CDYL2: variants seen among roughly 807,000 people sequenced by gnomAD.
CDYL2 encodes chromodomain Y-like protein 2.
Under a neutral mutation model 49.4 loss-of-function variants are expected in CDYL2, and 23 were observed. That is an observed-to-expected ratio of 0.47 (90% CI 0.34 to 0.66). The LOEUF (loss-of-function observed/expected upper bound fraction) is 0.66. CDYL2 is among the 30% of genes least tolerant of loss of function. The pLI is 0.01. For missense variants in CDYL2, 678 were observed against 656.4 expected, an observed-to-expected ratio of 1.03 and a Z score of -0.36; for synonymous variants, 360 against 268.8, an observed-to-expected ratio of 1.34 and a Z score of -3.32.
intron 1 of CDYL2, among the ~76,000 whole-genome samples, chr16:80,711,113 C>T (rs139812383): frequency 4.5e-4 from 69 of 152,302 alleles, no homozygotes; most frequent in Middle Eastern, 6.8e-3. Flanking sequence ...GGTTGTGCTA[C>T]GCGACTGGCA....
chr16:80,731,147 T>A (rs915006906), intron 1 of CDYL2, among the ~76,000 whole-genome samples: 2 of 152,108 alleles, frequency 1.3e-5, no homozygotes, highest in African/African-American at 4.8e-5. Flanking sequence ...TAAGTATCCT[T>A]CCAGAGACAA....
At chr16:80,610,748 C>T (rs561199222) in intron 5 of CDYL2, among the ~76,000 whole-genome samples, 13 of 152,264 alleles carry the variant, frequency 8.5e-5, no homozygotes, top group South Asian at 6.2e-4. Context: ...TTTGCAGGGC[C>T]GGGAGCCAGC....
rs140258490 is a variant in CDYL2 at position 80,600,580 on chromosome 16, A to T, written c.*3808T>A. The T allele has an allele frequency of 6.6e-6, 1 of 152,360 alleles. No homozygotes were observed. Among genetic ancestry groups the T allele is most frequent in the African/African-American group, 2.4e-5 (1 of 41,596 alleles). The allele number at this position is 152,360 out of a possible 1,614,324, so 9.4% of individuals were successfully genotyped here. A position where few individuals can be genotyped will look rare whatever the true frequency, so the allele number is the denominator to read the frequency against. On this transcript the variant is annotated 3_prime_UTR_variant, in exon 7 of 7. Transcript: ENST00000570137. Reference sequence around the variant, plus strand: ...TAAGAAATCTCATTTAGAGTCTTAAATACTGTGTATATTAGTGAGAGTGTC... The same window carrying T: ...TAAGAAATCTCATTTAGAGTCTTAATTACTGTGTATATTAGTGAGAGTGTC...
chr16:80,759,101 ACTAT>A (rs1195503704), intron 1 of CDYL2, among the ~76,000 whole-genome samples: 1 of 29,312 alleles, frequency 3.4e-5, no homozygotes, highest in Non-Finnish European at 5.2e-5. Context: ...CAAACCATAT[ACTAT>A]ATATATATAT....
At chr16:80,766,144 G>T (rs1906716807) in intron 1 of CDYL2, among the ~76,000 whole-genome samples, 1 of 151,892 alleles carries the variant, frequency 6.6e-6, no homozygotes. Flanking sequence ...AGGAGAAGGG[G>T]AATGATGACC....
chr16:80,688,980 C>A (rs1388446693), intron 1 of CDYL2, among the ~76,000 whole-genome samples: 1 of 152,168 alleles, frequency 6.6e-6, no homozygotes, highest in Admixed American at 6.5e-5. Flanking sequence ...GCTCTGCCCC[C>A]GCTCTACCTG....
intron 1 of CDYL2, among the ~76,000 whole-genome samples, chr16:80,728,742 G>A (rs897232571): frequency 2.0e-5 from 3 of 152,172 alleles, no homozygotes; most frequent in Non-Finnish European, 4.4e-5. Flanking sequence ...GACTAACAGC[G>A]AGCGGATCTC....
intron 2 of CDYL2, among the ~76,000 whole-genome samples, chr16:80,683,988 C>A (rs958858104): frequency 6.6e-6 from 1 of 152,222 alleles, no homozygotes; most frequent in Non-Finnish European, 1.5e-5. Flanking sequence ...GGTCAATCAT[C>A]CAACCTAGAG....
intron 1 of CDYL2, among the ~76,000 whole-genome samples, chr16:80,703,503 A>C (rs913048511): frequency 6.6e-6 from 1 of 152,120 alleles, no homozygotes; most frequent in African/African-American, 2.4e-5. Flanking sequence ...AATGTGCACT[A>C]GACCAAAGCT....
At chr16:80,645,342 C>T (rs1908290480) in intron 2 of CDYL2, among the ~76,000 whole-genome samples, 1 of 151,736 alleles carries the variant, frequency 6.6e-6, no homozygotes, top group Non-Finnish European at 1.5e-5. Context: ...ACACACACTT[C>T]TCAAAAGAAG....
At chr16:80,634,347 C>G (rs761973202) in intron 2 of CDYL2, among the ~76,000 whole-genome samples, 16 of 152,094 alleles carry the variant, frequency 1.1e-4, no homozygotes, top group Admixed American at 8.5e-4. Context: ...TCCTTTGCAG[C>G]GACATAGATG....
intron 2 of CDYL2, among the ~76,000 whole-genome samples, chr16:80,634,028 T>C (rs754190002): frequency 2.7e-5 from 4 of 150,412 alleles, no homozygotes; most frequent in Non-Finnish European, 4.4e-5. Flanking sequence ...GAAGCAGATA[T>C]AGGAAGAGGC....
At chr16:80,711,575 T>C (rs1904597245) in intron 1 of CDYL2, among the ~76,000 whole-genome samples, 1 of 152,182 alleles carries the variant, frequency 6.6e-6, no homozygotes, top group African/African-American at 2.4e-5. Context: ...TCCTGACAGC[T>C]CTGATTTTTA....
intron 2 of CDYL2, among the ~76,000 whole-genome samples, chr16:80,650,220 C>A (rs1295410863): frequency 6.6e-6 from 1 of 152,160 alleles, no homozygotes; most frequent in African/African-American, 2.4e-5. Context: ...AACTATCCAT[C>A]TGACAAGGGA....
chr16:80,627,036 G>A (rs1226141865), intron 3 of CDYL2, among the ~76,000 whole-genome samples: 3 of 152,148 alleles, frequency 2.0e-5, no homozygotes, highest in East Asian at 3.8e-4. Context: ...ACTGTTGGAT[G>A]ATTTTTTTTA....
chr16:80,638,093 G>A (rs1433403847), intron 2 of CDYL2, among the ~76,000 whole-genome samples: 4 of 149,236 alleles, frequency 2.7e-5, no homozygotes, highest in Non-Finnish European at 5.9e-5. Context: ...TTTTTTTCTT[G>A]AGACAAGGTC....
intron 3 of CDYL2, among the ~76,000 whole-genome samples, chr16:80,622,136 C>T (rs2142377472): frequency 6.6e-6 from 1 of 152,304 alleles, no homozygotes; most frequent in East Asian, 1.9e-4. Context: ...ACTGCAAATT[C>T]CCACTATCTG....
chr16:80,626,410 G>C (rs1056618837), intron 3 of CDYL2, among the ~76,000 whole-genome samples: 1 of 152,098 alleles, frequency 6.6e-6, no homozygotes, highest in African/African-American at 2.4e-5. Flanking sequence ...TGTAGTAGCA[G>C]GCAATAATAT....
At chr16:80,709,450 A>G (rs188545515) in intron 1 of CDYL2, among the ~76,000 whole-genome samples, 72 of 152,216 alleles carry the variant, frequency 4.7e-4, no homozygotes, top group African/African-American at 1.7e-3. Context: ...TAATTTGAGC[A>G]TAACGCAAAT....
Sources: gnomAD v4.1 joint callset for allele counts (sites outside exome capture counted in the v4.1 genomes callset) on GRCh38, gnomAD v4.1.1 for gene constraint, MANE v1.5 for transcripts, NCBI Gene and HGNC (gene_info 2026-07-23, HGNC 2026-07-21) for gene names.